The following TM6SF2 variants were observed in gnomAD, a reference collection of about 807,000 sequenced individuals.
TM6SF2 encodes the protein transmembrane 6 superfamily member 2.
In TM6SF2, 29 loss-of-function variants were observed where a neutral mutation model predicts 41.0. The observed-to-expected ratio is 0.71, with a 90% confidence interval of 0.53 to 0.96. The LOEUF (loss-of-function observed/expected upper bound fraction) is 0.96. Among genes scored for constraint, TM6SF2 ranks in the 50% least tolerant of loss-of-function variants. The pLI, the probability that TM6SF2 is intolerant of heterozygous loss-of-function variation, is 0.00. For synonymous variants in TM6SF2, 200 were observed against 209.1 expected (o/e 0.96, Z 0.37); for missense variants, 475 against 499.0 (o/e 0.95, Z 0.46).
At chr19:19,270,032 T>C (rs1363125434) in intron 4 of TM6SF2, 141 bp downstream of exon 4, 7 of 1,522,372 alleles carry the variant, frequency 4.6e-6, no homozygotes, top group Non-Finnish European at 4.4e-6. Context: ...AACCTTCTCC[T>C]GGCCACCCCT....
intron 1 of TM6SF2, among the ~76,000 whole-genome samples, chr19:19,271,748 C>T (rs947396402): frequency 7.0e-6 from 1 of 143,418 alleles, no homozygotes; most frequent in African/African-American, 2.5e-5. Flanking sequence ...CCAGGCTGGT[C>T]TCGAACTCCT....
chr19:19,270,060 G>A, intron 4 of TM6SF2, 113 bp downstream of exon 4: 1 of 1,550,844 alleles, frequency 6.4e-7, no homozygotes, highest in South Asian at 1.2e-5. Flanking sequence ...GCCCTAGAGA[G>A]GCGTCCTGAT....
In TM6SF2 at chr19:19,266,496, G is replaced by A. The variant is rs373173558; in HGVS notation, c.918C>T (p.Ile306=). The A allele has an allele frequency of 2.4e-4, 384 of 1,613,414 alleles. No homozygotes were observed. The highest frequency in any genetic ancestry group is 3.1e-4 in the Non-Finnish European group (363 of 1,179,796). The part of the protein sequence containing the change: ...PDWALVFAGG[I]GQAQFSHMGA... ...CACCCATCCGCCACCTCACCTGGCC[G>A]ATGCCTCCAGCAAACACCAAGGCCC... The change falls in exon 9 of 10, where the codon ATC becomes ATT. Residue 306 remains isoleucine, a synonymous_variant. Coordinates refer to ENST00000389363, the MANE Select transcript of TM6SF2 (RefSeq NM_001001524.3).
At chr19:19,269,029 G>GGTGGAT (rs2061013545) in intron 5 of TM6SF2, among the ~76,000 whole-genome samples, 1 of 152,146 alleles carries the variant, frequency 6.6e-6, no homozygotes, top group Non-Finnish European at 1.5e-5. Context: ...CACGGCTCAA[G>GGTGGAT]TGATTGATGA....
chr19:19,272,692 G>GGT (rs55690765), intron 1 of TM6SF2, among the ~76,000 whole-genome samples: 53,395 of 136,544 alleles, frequency 0.39, 11,226 homozygotes, highest in East Asian at 0.52. Context: ...AATGGAGTAG[G>GGT]GTGTGTGTGT....
intron 1 of TM6SF2, among the ~76,000 whole-genome samples, chr19:19,272,759 T>C (rs1158746400): frequency 6.6e-6 from 1 of 151,410 alleles, no homozygotes; most frequent in Non-Finnish European, 1.5e-5. Context: ...GGGCCTTATC[T>C]GGGACAATAC....
At chr19:19,268,460 G>C (rs1030583170) in intron 6 of TM6SF2, among the ~76,000 whole-genome samples, 170 bp downstream of exon 6, 1 of 152,080 alleles carries the variant, frequency 6.6e-6, no homozygotes, top group Non-Finnish European at 1.5e-5. Context: ...CTCATGCCTT[G>C]GCCTCCCAAA....
At chr19:19,271,365 C>T (rs930152639) in intron 1 of TM6SF2, among the ~76,000 whole-genome samples, 1 of 152,224 alleles carries the variant, frequency 6.6e-6, no homozygotes, top group African/African-American at 2.4e-5. Flanking sequence ...AACTCCTACT[C>T]ATCCTTCATG....
rs755256363 is a variant in TM6SF2, at chr19:19,270,079, C to G, written c.401+94G>C. On this transcript the variant is annotated intron_variant, in intron 4 of 9. Transcript: ENST00000389363. ...TAGAGAGGCGTCCTGATTTCTCCTACAGACACTTCTGGCTCCACCCTGCCC... is the reference window on the plus strand; with the variant it reads ...TAGAGAGGCGTCCTGATTTCTCCTAGAGACACTTCTGGCTCCACCCTGCCC... 2.5e-6 allele frequency: 4 copies of G among 1,569,892 alleles called. No individual in the cohort carries two copies. The East Asian group carries it at 9.4e-5, about 37-fold the overall frequency.
At position 19,264,431 on chromosome 19, in the gene TM6SF2, G is replaced by T; in HGVS notation, c.*233C>A. On this transcript the variant is annotated 3_prime_UTR_variant, in exon 10 of 10. Coordinates refer to ENST00000389363, the MANE Select transcript of TM6SF2 (RefSeq NM_001001524.3). ...GGGGATGATGGGTAAGTTCTGGAAG[G>T]GGTAGAAGCGTTTGTGTGGGAGTTG... is the stretch of plus-strand genomic sequence containing the variant. The T allele has an allele frequency of 2.6e-6, 1 of 388,584 alleles. No homozygotes were observed. Among genetic ancestry groups the T allele is most frequent in the Non-Finnish European group, 4.6e-6 (1 of 219,612 alleles). The allele number at this position is 388,584 out of a possible 1,614,324, so 24.1% of individuals were successfully genotyped here. A position where few individuals can be genotyped will look rare whatever the true frequency, so the allele number is the denominator to read the frequency against.
intron 1 of TM6SF2, 107 bp downstream of exon 1, chr19:19,273,014 G>T: frequency 1.1e-6 from 1 of 912,240 alleles, no homozygotes. Flanking sequence ...GCTCGCAGAA[G>T]CCAGGTCCGC....
In TM6SF2 at chr19:19,267,962, G is replaced by A. The variant is rs1032089551; in HGVS notation, c.711+24C>T. On this transcript the variant is annotated intron_variant, in intron 7 of 9. Coordinates refer to ENST00000389363, the MANE Select transcript of TM6SF2 (RefSeq NM_001001524.3). ...AAGGGAGACTGGTGGCAGGGGAGGG[G>A]GAGACCAACCAGCGCAGACTCACCA... The A allele has an allele frequency of 2.4e-5, 38 of 1,586,650 alleles. No homozygotes were observed. The East Asian group carries it at 8.5e-4, about 35-fold the overall frequency.
intron 9 of TM6SF2, 146 bp downstream of exon 9, chr19:19,266,344 A>G: frequency 8.3e-7 from 1 of 1,207,786 alleles, no homozygotes; most frequent in Non-Finnish European, 1.2e-6. Context: ...TCTCCCCTAG[A>G]CTAGGGAATC....
intron 4 of TM6SF2, 155 bp from the exon 5 acceptor site, chr19:19,269,924 A>G: frequency 6.6e-7 from 1 of 1,511,084 alleles, no homozygotes; most frequent in East Asian, 2.4e-5. Context: ...CGGGGAAATA[A>G]CAGTGAGACC....
chr19:19,267,038 T>C (rs1423367564), intron 8 of TM6SF2, among the ~76,000 whole-genome samples: 2 of 152,012 alleles, frequency 1.3e-5, no homozygotes, highest in Non-Finnish European at 2.9e-5. Context: ...TGCCACCCCA[T>C]AAAGGGACTG....
intron 6 of TM6SF2, 38 bp downstream of exon 6, chr19:19,268,592 C>T (rs1310868435): frequency 1.3e-6 from 2 of 1,529,656 alleles, no homozygotes; most frequent in Non-Finnish European, 1.7e-6. Flanking sequence ...AAAGTTCAGG[C>T]ACATTGGGAC....
At position 19,271,125 on chromosome 19, in the gene TM6SF2, G is replaced by T; in HGVS notation, c.96C>A (p.His32Gln). The T allele has an allele frequency of 6.2e-7, 1 of 1,613,792 alleles. No individual in the cohort carries two copies. The highest frequency in any genetic ancestry group is 8.5e-7 in the Non-Finnish European group (1 of 1,179,668). ...CGCTCATCAATGCCACCCACAGGGG[G>T]CTGTGGAGAGGGAAGCCAAGTCAGG... ...YALNHVSALSHPLWVALMSAL... is the reference protein window; with the variant it reads ...YALNHVSALSQPLWVALMSAL... The change falls in exon 2 of 10, where the codon CAC becomes CAA. Residue 32 changes from histidine to glutamine, a missense_variant and splice_region_variant. His to Gln is a conservative substitution (Grantham distance 24). Transcript: ENST00000389363.
rs1425370132 is a variant in TM6SF2, at chr19:19,264,413, A to T, written c.*251T>A. 1 of 358,336 alleles carries T rather than the reference A, an allele frequency of 2.8e-6. No individual in the cohort carries two copies. The highest frequency in any genetic ancestry group is 5.0e-6 in the Non-Finnish European group (1 of 200,224). The allele number at this position is 358,336 out of a possible 1,614,324, so 22.2% of individuals were successfully genotyped here. A position where few individuals can be genotyped will look rare whatever the true frequency, so the allele number is the denominator to read the frequency against. Reference sequence around the variant, plus strand: ...TACTGAAAGGATCCATGGGGGGATGATGGGTAAGTTCTGGAAGGGGTAGAA... The same window carrying T: ...TACTGAAAGGATCCATGGGGGGATGTTGGGTAAGTTCTGGAAGGGGTAGAA... On this transcript the variant is annotated 3_prime_UTR_variant, in exon 10 of 10. Transcript: ENST00000389363.
intron 1 of TM6SF2, among the ~76,000 whole-genome samples, chr19:19,272,042 G>A (rs2061025981): frequency 6.6e-6 from 1 of 152,018 alleles, no homozygotes; most frequent in Non-Finnish European, 1.5e-5. Context: ...CCCTACCCCT[G>A]CCCTGATCTG....
Sources: allele counts gnomAD v4.1 joint callset (sites outside exome capture counted in the v4.1 genomes callset), GRCh38; gene constraint gnomAD v4.1.1; transcripts MANE v1.5; gene names NCBI Gene and HGNC (gene_info 2026-07-23, HGNC 2026-07-21).